ASAP1: variants seen among roughly 807,000 people sequenced by gnomAD.
The protein encoded by ASAP1 is arf-GAP with SH3 domain, ANK repeat and PH domain-containing protein 1.
A neutral mutation model predicts 145.2 loss-of-function variants in ASAP1; 43 were observed. The observed-to-expected ratio is 0.30, with a 90% confidence interval of 0.23 to 0.38. The LOEUF (loss-of-function observed/expected upper bound fraction) is 0.38. Among genes scored for constraint, ASAP1 ranks in the 10% least tolerant of loss-of-function variants. The probability of loss-of-function intolerance (pLI) is 1.00; values close to 1 mark genes in which losing one functional copy is unlikely to be tolerated. For missense variants in ASAP1, 1,018 were observed against 1,355.3 expected, an observed-to-expected ratio of 0.75 and a Z score of 3.91; for synonymous variants, 546 against 515.5, an observed-to-expected ratio of 1.06 and a Z score of -0.80.
rs35060121 is a variant in ASAP1 at position 130,382,285 on chromosome 8, C to CA, written c.59+19599dup. The stretch of plus-strand genomic sequence containing the variant: ...TGAGTGACAGAGCGAGATTCTGTCT[C>CA]AAAAAAAAAAAAAAAAAAAAAAAAG... On this transcript the variant is annotated intron_variant, in intron 2 of 29. Transcript: ENST00000518721. 5.9e-3 allele frequency among the ~76,000 whole-genome samples: 435 copies of CA among 73,240 alleles called. 2 individuals are homozygous for CA. The highest frequency in any genetic ancestry group is 0.018 in the Admixed American group (97 of 5,480). 48.0% of individuals were successfully genotyped at this position (73,240 alleles called of 152,430 possible).
intron 18 of ASAP1, 49 bp downstream of exon 18, chr8:130,123,964 A>C (rs1301025021): frequency 1.4e-6 from 2 of 1,430,962 alleles, no homozygotes; most frequent in Non-Finnish European, 1.9e-6. Flanking sequence ...AGGGTAGAAA[A>C]ACAATTATAG....
chr8:130,168,701 T>C (rs2097685215), intron 10 of ASAP1, among the ~76,000 whole-genome samples: 1 of 152,206 alleles, frequency 6.6e-6, no homozygotes, highest in South Asian at 2.1e-4. Context: ...CTGCAACTGC[T>C]GACCAAGGAA....
intron 24 of ASAP1, among the ~76,000 whole-genome samples, chr8:130,095,123 T>A (rs2097514496): frequency 6.6e-6 from 1 of 152,128 alleles, no homozygotes; most frequent in African/African-American, 2.4e-5. Context: ...TTCCTTCATA[T>A]TGCTGAGTAT....
chr8:130,435,171 G>A (rs1008457352), intron 1 of ASAP1, among the ~76,000 whole-genome samples: 2 of 152,154 alleles, frequency 1.3e-5, no homozygotes, highest in African/African-American at 2.4e-5. Context: ...TACGCAGGTG[G>A]GGAACTGAGG....
At chr8:130,391,387 ATACT>A (rs1828277883) in intron 2 of ASAP1, among the ~76,000 whole-genome samples, 1 of 152,264 alleles carries the variant, frequency 6.6e-6, no homozygotes, top group Non-Finnish European at 1.5e-5. Flanking sequence ...CAATGTGAAC[ATACT>A]TAATGCCACT....
intron 3 of ASAP1, among the ~76,000 whole-genome samples, chr8:130,254,292 A>G (rs1036931205): frequency 6.6e-6 from 1 of 152,364 alleles, no homozygotes; most frequent in South Asian, 2.1e-4. Flanking sequence ...TTCAGGAAAG[A>G]GCATTGTAAA....
At chr8:130,230,687 A>T (rs1274142946) in intron 4 of ASAP1, among the ~76,000 whole-genome samples, 1 of 152,294 alleles carries the variant, frequency 6.6e-6, no homozygotes, top group African/African-American at 2.4e-5. Context: ...TGAGAGCTTA[A>T]GAATTGTTAT....
chr8:130,184,209 G>A (rs1194769362), intron 7 of ASAP1, among the ~76,000 whole-genome samples: 1 of 152,160 alleles, frequency 6.6e-6, no homozygotes. Context: ...TGTAAACACT[G>A]AAACTAGTTT....
chr8:130,288,260 T>G (rs1332669793), intron 3 of ASAP1, among the ~76,000 whole-genome samples: 2 of 152,128 alleles, frequency 1.3e-5, no homozygotes, highest in Non-Finnish European at 2.9e-5. Context: ...CCTTTCTGGT[T>G]CCAGTATTTG....
At chr8:130,182,220 A>T (rs752171186) in intron 7 of ASAP1, among the ~76,000 whole-genome samples, 9 of 152,228 alleles carry the variant, frequency 5.9e-5, no homozygotes, top group Non-Finnish European at 1.2e-4. Flanking sequence ...ATGGTGACTT[A>T]AACATACATG....
intron 3 of ASAP1, among the ~76,000 whole-genome samples, chr8:130,264,868 C>G (rs970875433): frequency 7.9e-5 from 12 of 151,872 alleles, no homozygotes; most frequent in Non-Finnish European, 1.3e-4. Context: ...GGGAGAATGT[C>G]CTGGAGAAGG....
chr8:130,195,833 G>C (rs1025884489), intron 5 of ASAP1, among the ~76,000 whole-genome samples: 2 of 152,188 alleles, frequency 1.3e-5, no homozygotes, highest in Admixed American at 1.3e-4. Flanking sequence ...CCTAGTCACT[G>C]GAGATGACTT....
At chr8:130,313,480 C>G (rs1039650889) in intron 3 of ASAP1, among the ~76,000 whole-genome samples, 3 of 152,048 alleles carry the variant, frequency 2.0e-5, no homozygotes, top group Non-Finnish European at 2.9e-5. Flanking sequence ...TTAAATAATG[C>G]CTTCATGCAA....
chr8:130,238,970 G>C (rs1421057955), intron 3 of ASAP1, among the ~76,000 whole-genome samples: 1 of 151,998 alleles, frequency 6.6e-6, no homozygotes, highest in Non-Finnish European at 1.5e-5. Flanking sequence ...CTGTACTTCT[G>C]TTCAATATCT....
At chr8:130,327,363 T>C (rs560810402) in intron 3 of ASAP1, among the ~76,000 whole-genome samples, 4 of 152,268 alleles carry the variant, frequency 2.6e-5, no homozygotes, top group Admixed American at 2.0e-4. Flanking sequence ...TGGACCTCAG[T>C]GTAGGGTGTT....
chr8:130,310,684 T>C (rs1823288110), intron 3 of ASAP1, among the ~76,000 whole-genome samples: 1 of 151,006 alleles, frequency 6.6e-6, no homozygotes, highest in African/African-American at 2.4e-5. Flanking sequence ...TATTCTCTAG[T>C]TAAAAAAAAA....
At chr8:130,079,333 G>A (rs1479736824) in intron 26 of ASAP1, among the ~76,000 whole-genome samples, 1 of 152,086 alleles carries the variant, frequency 6.6e-6, no homozygotes, top group Non-Finnish European at 1.5e-5. Context: ...TTTAGGGTAA[G>A]GCTGGATAAA....
At chr8:130,183,870 C>T (rs1255885906) in intron 7 of ASAP1, among the ~76,000 whole-genome samples, 4 of 152,118 alleles carry the variant, frequency 2.6e-5, no homozygotes, top group African/African-American at 7.2e-5. Context: ...AGTCAAACGC[C>T]ATCCCAGGAT....
At chr8:130,379,218 G>A (rs935233213) in intron 2 of ASAP1, among the ~76,000 whole-genome samples, 2 of 152,166 alleles carry the variant, frequency 1.3e-5, no homozygotes, top group East Asian at 3.8e-4. Flanking sequence ...CGTCCCGAGA[G>A]GGCATGGAGA....
Sources: allele counts gnomAD v4.1 joint callset (sites outside exome capture counted in the v4.1 genomes callset), GRCh38; gene constraint gnomAD v4.1.1; transcripts MANE v1.5; gene names NCBI Gene and HGNC (gene_info 2026-07-23, HGNC 2026-07-21).